Variants in ARHGEF26 observed in about 807,000 individuals in gnomAD.
ARHGEF26 encodes Rho guanine nucleotide exchange factor (GEF) 26.
ARHGEF26 carries 59 observed loss-of-function variants against 89.4 expected under a neutral mutation model. The observed-to-expected ratio is 0.66, with a 90% CI of 0.54 to 0.82. ARHGEF26 has a LOEUF of 0.82. Ranked by LOEUF, ARHGEF26 falls within the 40% of genes least tolerant of loss-of-function variation. The pLI is 0.00. For synonymous variants in ARHGEF26, 500 were observed against 428.4 expected (o/e 1.17, Z -2.06); for missense variants, 1,234 against 1,085.6 (o/e 1.14, Z -1.92).
chr3:154,144,387 A>G (rs1719574708), intron 4 of ARHGEF26, among the ~76,000 whole-genome samples: 1 of 152,200 alleles, frequency 6.6e-6, no homozygotes, highest in Non-Finnish European at 1.5e-5. Context: ...GCATGGAAGG[A>G]ACAGTACCTG....
At position 154,122,485 on chromosome 3, in the gene ARHGEF26, T is replaced by C; in HGVS notation, c.493T>C (p.Leu165=). Residue 165 remains leucine (L), a synonymous_variant, in exon 2 of 15, where the codon TTG becomes CTG. Transcript: ENST00000465093. ...PCTPEEDLTG[L]TASPVPSPTA... is the part of the protein sequence containing the mutation. ...CACCCCCGAGGAGGACCTTACTGGG[T>C]TGACTGCCAGCCCGGTGCCTTCGCC... 6.2e-7 allele frequency: 1 copy of C among 1,612,712 alleles called. No individual in the cohort carries two copies. The highest frequency in any genetic ancestry group is 8.5e-7 in the Non-Finnish European group (1 of 1,179,728).
At chr3:154,220,547 G>T (rs1271432452) in intron 10 of ARHGEF26, among the ~76,000 whole-genome samples, 8 of 152,152 alleles carry the variant, frequency 5.3e-5, no homozygotes, top group African/African-American at 1.9e-4. Context: ...CCACTCCTGT[G>T]GCCCAGGAAT....
Position 154,187,677 on chromosome 3 carries a change from T to C in ARHGEF26, c.1488-8T>C. The C allele has an allele frequency of 6.3e-7, 1 of 1,591,820 alleles. No individual in the cohort carries two copies. The highest frequency in any genetic ancestry group is 8.6e-7 in the Non-Finnish European group (1 of 1,168,328). ...AGTGTTAATTTTTTTTTCCCTTTGG[T>C]TTTTCAGGTTCTTTATAGAGTTGGA... On this transcript the variant is annotated splice_polypyrimidine_tract_variant and splice_region_variant and intron_variant, in intron 6 of 14. Coordinates refer to ENST00000465093, the MANE Select transcript of ARHGEF26 (RefSeq NM_015595.4).
At chr3:154,176,460 A>C (rs1362359688) in intron 6 of ARHGEF26, among the ~76,000 whole-genome samples, 1 of 152,220 alleles carries the variant, frequency 6.6e-6, no homozygotes, top group Non-Finnish European at 1.5e-5. Flanking sequence ...ATTACTTACA[A>C]ATCAGCTGCT....
chr3:154,193,270 TTAAA>T (rs1714062263), intron 8 of ARHGEF26, among the ~76,000 whole-genome samples: 1 of 152,168 alleles, frequency 6.6e-6, no homozygotes, highest in Non-Finnish European at 1.5e-5. Flanking sequence ...CATAAAGTGG[TTAAA>T]TATTGTTTCA....
intron 11 of ARHGEF26, among the ~76,000 whole-genome samples, chr3:154,239,299 A>AGAGAGTGTGTGTGT (rs1182446964): frequency 3.1e-5 from 2 of 64,258 alleles, no homozygotes; most frequent in African/African-American, 6.1e-5. Flanking sequence ...AGAGAGAGAG[A>AGAGAGTGTGTGTGT]GTGTGTGTGT....
chr3:154,202,323 G>A (rs948815508), intron 9 of ARHGEF26, among the ~76,000 whole-genome samples: 72 of 151,988 alleles, frequency 4.7e-4, no homozygotes, highest in African/African-American at 1.3e-3. Flanking sequence ...GTAGATATGC[G>A]GCATTATTTC....
intron 8 of ARHGEF26, among the ~76,000 whole-genome samples, chr3:154,193,527 G>A (rs947662538): frequency 6.9e-6 from 1 of 144,172 alleles, no homozygotes; most frequent in East Asian, 2.0e-4. Context: ...CCTGATGCCT[G>A]TTGCTCTAAT....
intron 2 of ARHGEF26, among the ~76,000 whole-genome samples, chr3:154,123,701 T>C (rs2108033454): frequency 6.6e-6 from 1 of 152,340 alleles, no homozygotes; most frequent in East Asian, 1.9e-4. Context: ...TTATTCCCGT[T>C]GTATGCCCAT....
intron 6 of ARHGEF26, among the ~76,000 whole-genome samples, chr3:154,172,521 C>T (rs1029439978): frequency 6.6e-6 from 1 of 152,108 alleles, no homozygotes. Flanking sequence ...ATGGCAAACC[C>T]CATCTTTACT....
chr3:154,164,494 G>T (rs1386129836), intron 6 of ARHGEF26, among the ~76,000 whole-genome samples: 1 of 151,942 alleles, frequency 6.6e-6, no homozygotes, highest in Admixed American at 6.6e-5. Flanking sequence ...AAGGTTTCGG[G>T]AAATGACTTG....
At chr3:154,167,636 T>G (rs1017760880) in intron 6 of ARHGEF26, among the ~76,000 whole-genome samples, 1 of 152,176 alleles carries the variant, frequency 6.6e-6, no homozygotes, top group Admixed American at 6.6e-5. Flanking sequence ...GTTAAATTGA[T>G]CCTTTAGCTA....
At chr3:154,133,501 T>C (rs1718812583) in intron 4 of ARHGEF26, among the ~76,000 whole-genome samples, 1 of 151,536 alleles carries the variant, frequency 6.6e-6, no homozygotes, top group South Asian at 2.1e-4. Context: ...GGCAGGTTTG[T>C]AGAAGATCAG....
At chr3:154,222,436 T>A (rs1255853167) in intron 10 of ARHGEF26, among the ~76,000 whole-genome samples, 1 of 152,218 alleles carries the variant, frequency 6.6e-6, no homozygotes, top group East Asian at 1.9e-4. Context: ...CAGTAGAAGC[T>A]CCACCACTTA....
intron 6 of ARHGEF26, among the ~76,000 whole-genome samples, chr3:154,175,277 C>G (rs1225663137): frequency 6.6e-6 from 1 of 152,138 alleles, no homozygotes; most frequent in Non-Finnish European, 1.5e-5. Context: ...ACCTGTAACT[C>G]AGTGTGGAAG....
chr3:154,222,794 G>C (rs1368977878), intron 10 of ARHGEF26, among the ~76,000 whole-genome samples: 1 of 152,102 alleles, frequency 6.6e-6, no homozygotes, highest in East Asian at 1.9e-4. Flanking sequence ...TTTGTGAATA[G>C]TCTTCAGGAT....
In ARHGEF26 at chr3:154,250,038, CT is replaced by C. The variant is rs369136204; in HGVS notation, c.2301-3069del. On this transcript the variant is annotated intron_variant, in intron 12 of 14. Transcript: ENST00000465093. ...AGCTGGGGGAGCTCCTTAGCAGGCT[CT>C]TTTTTTTTGAGACGGAGTTTTGCTC... is the stretch of plus-strand genomic sequence containing the variant. Among the ~76,000 whole-genome samples the C allele has an allele frequency of 3.4e-3, 512 of 151,330 alleles. 3 individuals carry two copies. Among genetic ancestry groups the C allele is most frequent in the African/African-American group, 0.012 (492 of 41,286 alleles).
In ARHGEF26 at chr3:154,125,082, G is replaced by A. The variant is rs980329948; in HGVS notation, c.1123+633G>A. ...CGTCAGCCAACTGGAAGAGCATGAA[G>A]GGAGCAGTCCCAGCTGTAGCACTTG... On this transcript the variant is annotated intron_variant, in intron 3 of 14. Transcript: ENST00000465093. Among the ~76,000 whole-genome samples the A allele has an allele frequency of 3.3e-4, 50 of 152,170 alleles. 2 individuals are homozygous for A.
rs1576674714 is a variant in ARHGEF26, at chr3:154,124,423, A to C, written c.1097A>C (p.Lys366Thr). The C allele has an allele frequency of 6.7e-7, 1 of 1,495,128 alleles. No homozygotes were observed. The highest frequency in any genetic ancestry group is 2.6e-5 in the East Asian group (1 of 38,894). The allele number at this position is 1,495,128 out of a possible 1,614,324, so 92.6% of individuals were successfully genotyped here. Residue 366 changes from lysine (K) to threonine (T), a missense_variant, in exon 3 of 15, where the codon AAA becomes ACA. By Grantham distance (78) the Lys-to-Thr change is moderately conservative. Transcript: ENST00000465093. ...TTTGTCTCTTAGAAAAAAATGCTGA[A>C]AGGACAAGGAACATTTGATGGGGAA... ...SLGRIKKKML[K>T]GQGTFDGEEN...
Sources: allele counts gnomAD v4.1 joint callset (sites outside exome capture counted in the v4.1 genomes callset), GRCh38; gene constraint gnomAD v4.1.1; transcripts MANE v1.5; gene names NCBI Gene and HGNC (gene_info 2026-07-23, HGNC 2026-07-21).